The following TPM4 variants were observed in gnomAD, a reference collection of about 807,000 sequenced individuals.
TPM4 encodes the protein tropomyosin alpha-4 chain.
TPM4 carries 17 observed loss-of-function variants against 35.8 expected under a neutral mutation model. The ratio of observed to expected loss-of-function variants is 0.47; its 90% CI spans 0.32 to 0.71. The LOEUF (loss-of-function observed/expected upper bound fraction) is 0.71, where lower values mean the gene tolerates loss of function less well. Ranked by LOEUF, TPM4 falls within the 30% of genes least tolerant of loss-of-function variation. The probability of loss-of-function intolerance (pLI) is 0.03; values close to 1 mark genes in which losing one functional copy is unlikely to be tolerated. For synonymous variants in TPM4, 120 were observed against 122.9 expected (o/e 0.98, Z 0.15); for missense variants, 240 against 320.9 (o/e 0.75, Z 1.93).
At chr19:16,079,426 G>C (rs867725174) in intron 1 of TPM4, among the ~76,000 whole-genome samples, 87 of 152,304 alleles carry the variant, frequency 5.7e-4, no homozygotes, top group South Asian at 4.8e-3. Context: ...TAAGATCTAG[G>C]CAATTAAAAA....
chr19:16,096,527 G>A (rs2090699474), intron 7 of TPM4, among the ~76,000 whole-genome samples: 1 of 152,220 alleles, frequency 6.6e-6, no homozygotes, highest in Non-Finnish European at 1.5e-5. Context: ...TCAAACAGCG[G>A]CAGTGACATT....
intron 5 of TPM4, among the ~76,000 whole-genome samples, chr19:16,089,660 AC>A (rs913604676): frequency 3.2e-4 from 36 of 110,880 alleles, no homozygotes; most frequent in African/African-American, 1.1e-3. Context: ...CATCACCTCC[AC>A]CCCCCACTTT....
chr19:16,069,915 C>G (rs1392249319), intron 2 of TPM4, among the ~76,000 whole-genome samples: 1 of 151,710 alleles, frequency 6.6e-6, no homozygotes, highest in Non-Finnish European at 1.5e-5. Flanking sequence ...ACACTATGCC[C>G]CTGGATCAGG....
At chr19:16,089,629 C>G (rs2144947073) in intron 5 of TPM4, among the ~76,000 whole-genome samples, 1 of 151,700 alleles carries the variant, frequency 6.6e-6, no homozygotes, top group Non-Finnish European at 1.5e-5. Flanking sequence ...TTTGCAGTTT[C>G]ACAGACATTC....
rs1260547092 is a variant in TPM4 at position 16,088,019 on chromosome 19, C to G, written c.385-8C>G. On this transcript the variant is annotated splice_polypyrimidine_tract_variant and splice_region_variant and intron_variant, in intron 3 of 7. Coordinates refer to ENST00000643579, the MANE Select transcript of TPM4 (RefSeq NM_003290.3). ...ATCGGGCTCAGCTGGGCCTTTCTGT[C>G]TCTGCAGGTAGCTCGTAAGCTGGTC... 6.2e-7 allele frequency: 1 copy of G among 1,608,870 alleles called. No individual in the cohort carries two copies. The highest frequency in any genetic ancestry group is 1.7e-5 in the Admixed American group (1 of 58,858).
chr19:16,069,572 G>GTA (rs1217623426), intron 2 of TPM4, among the ~76,000 whole-genome samples: 2 of 37,444 alleles, frequency 5.3e-5, no homozygotes, highest in Non-Finnish European at 1.2e-4. Flanking sequence ...CTATTGGTGT[G>GTA]TGTGTTTCTA....
intron 2 of TPM4, among the ~76,000 whole-genome samples, chr19:16,084,212 T>G (rs2090520911): frequency 6.6e-6 from 1 of 152,172 alleles, no homozygotes; most frequent in South Asian, 2.1e-4. Context: ...CTAGCTAATT[T>G]AAGATGCATT....
chr19:16,076,742 C>A (rs924617950), intron 1 of TPM4, 45 bp downstream of exon 1: 7 of 1,284,140 alleles, frequency 5.5e-6, no homozygotes, highest in Admixed American at 4.2e-5. Flanking sequence ...CCTCCTCCCC[C>A]GCGCGCCCTC....
Position 16,070,139 on chromosome 19 carries a change from G to A in TPM4, c.114+2401G>A, listed in dbSNP as rs1482199970. Among the ~76,000 whole-genome samples, 3 of 152,142 alleles carry A rather than the reference G, an allele frequency of 2.0e-5. No homozygotes were observed. The highest frequency in any genetic ancestry group is 4.4e-5 in the Non-Finnish European group (3 of 68,004). The stretch of plus-strand genomic sequence containing the variant: ...GGGTGTCCCTGCTAAAAGCCTGGAG[G>A]CCGGGGCAGGTGGGCTGCCCGTGGT... On this transcript the variant is annotated intron_variant, in intron 2 of 2. Transcript: ENST00000589897. The surrounding 1 kb of genome is among the most constrained non-coding windows in gnomAD (Gnocchi z 7.4).
chr19:16,101,246 ACT>A lies in TPM4; in HGVS notation c.665-15_665-14del. On this transcript the variant is annotated splice_polypyrimidine_tract_variant and intron_variant, in intron 7 of 7. Transcript: ENST00000643579. ...CGCTTATTAATTTATCTTTCCCCAT[ACT>A]CTTAATCCTCACCAGAGAAACTTGC... The A allele has an allele frequency of 6.4e-7, 1 of 1,560,654 alleles. No individual in the cohort carries two copies. The highest frequency in any genetic ancestry group is 8.6e-7 in the Non-Finnish European group (1 of 1,156,956).
At chr19:16,075,844 A>G (rs116363942), upstream of TPM4, 1,125 of 757,336 alleles carry the variant, frequency 1.5e-3, 10 homozygotes, top group African/African-American at 0.018. Context: ...GGTCCTCAGG[A>G]CGAGGGAAAG....
At position 16,086,404 on chromosome 19, in the gene TPM4, A is replaced by T. The variant is rs754215968; in HGVS notation, c.267-19A>T. ...GGGGTGTGAGTGAACGGCCGTCCTG[A>T]TGAGATTGCTCCTTGCAGAGGAATG... is the stretch of plus-strand genomic sequence containing the variant. On this transcript the variant is annotated intron_variant, in intron 2 of 7. Coordinates refer to ENST00000643579, the MANE Select transcript of TPM4 (RefSeq NM_003290.3). The T allele has an allele frequency of 1.2e-6, 2 of 1,608,346 alleles. No homozygotes were observed. The highest frequency in any genetic ancestry group is 2.2e-5 in the East Asian group (1 of 44,818).
chr19:16,071,543 A>G (rs1198481497), upstream of TPM4, among the ~76,000 whole-genome samples: 1 of 152,186 alleles, frequency 6.6e-6, no homozygotes, highest in Non-Finnish European at 1.5e-5. Flanking sequence ...CTGAGCCCTC[A>G]GTGTCCTCAT....
At chr19:16,098,132 A>G (rs755905075) in intron 7 of TPM4, among the ~76,000 whole-genome samples, 2 of 152,132 alleles carry the variant, frequency 1.3e-5, no homozygotes, top group African/African-American at 4.8e-5. Context: ...AACTAAGCAC[A>G]TAAGTGGAAT....
rs539732786 is a variant in TPM4 at position 16,081,841 on chromosome 19, G to A, written c.133-72G>A. On this transcript the variant is annotated intron_variant, in intron 1 of 7. Transcript: ENST00000643579. ...GGGAAGATCAGGTTAACAGAGGGCA[G>A]GACATGGGGGAGGCTCCCACTGGTG... is the stretch of plus-strand genomic sequence containing the variant. The A allele has an allele frequency of 2.0e-6, 3 of 1,494,710 alleles. No individual in the cohort carries two copies. In the East Asian group the frequency reaches 6.9e-5, roughly 34 times the overall value. 92.6% of individuals were successfully genotyped at this position (1,494,710 alleles called of 1,614,324 possible). A position where few individuals can be genotyped will look rare whatever the true frequency, so the allele number is the denominator to read the frequency against.
chr19:16,068,424 C>T (rs2090319919), intron 2 of TPM4, among the ~76,000 whole-genome samples: 1 of 152,132 alleles, frequency 6.6e-6, no homozygotes. Flanking sequence ...GATCCGCCCG[C>T]GTCTGCCTCC....
At chr19:16,068,714 CGTGTGTGTGTACACATATTT>C (rs937194085) in intron 2 of TPM4, among the ~76,000 whole-genome samples, 6 of 151,968 alleles carry the variant, frequency 3.9e-5, no homozygotes, top group African/African-American at 1.4e-4. Flanking sequence ...AGCATTTCTG[CGTGTGTGTGTACACATATTT>C]GTGTGTGTGA....
chr19:16,082,858 G>C (rs890722353), intron 2 of TPM4, among the ~76,000 whole-genome samples: 1 of 152,026 alleles, frequency 6.6e-6, no homozygotes. Context: ...CGGGTGTGGT[G>C]GTGCACGCCT....
At chr19:16,088,940 G>A in intron 4 of TPM4, 105 bp from the exon 5 acceptor site, 1 of 1,566,182 alleles carries the variant, frequency 6.4e-7, no homozygotes, top group Non-Finnish European at 8.7e-7. Flanking sequence ...CCCCACCGGG[G>A]GAGCTGTGTA....
Sources: allele counts gnomAD v4.1 joint callset (sites outside exome capture counted in the v4.1 genomes callset), GRCh38; gene constraint gnomAD v4.1.1; non-coding constraint Gnocchi (gnomAD v3.1); transcripts MANE v1.5; gene names NCBI Gene and HGNC (gene_info 2026-07-23, HGNC 2026-07-21).